The following RASAL2 variants were observed in gnomAD, a reference collection of about 807,000 sequenced individuals.
The protein encoded by RASAL2 is RAS protein activator like 2.
A neutral mutation model predicts 128.9 loss-of-function variants in RASAL2; 58 were observed. The ratio of observed to expected loss-of-function variants is 0.45; its 90% confidence interval spans 0.36 to 0.56. The LOEUF is 0.56. Ranked by LOEUF, RASAL2 falls within the 20% of genes least tolerant of loss-of-function variation. The pLI is 0.00. For synonymous variants in RASAL2, 561 were observed against 580.8 expected (o/e 0.97, Z 0.49); for missense variants, 1,360 against 1,601.6 (o/e 0.85, Z 2.57).
chr1:178,384,594 G>A (rs1311587737), intron 3 of RASAL2, among the ~76,000 whole-genome samples: 2 of 151,484 alleles, frequency 1.3e-5, no homozygotes, highest in East Asian at 3.9e-4. Flanking sequence ...TTTGAACATG[G>A]GAGGTATAGG....
intron 7 of RASAL2, 39 bp from the exon 8 acceptor site, chr1:178,442,632 TGCAA>T (rs1572082288): frequency 6.6e-7 from 1 of 1,515,826 alleles, no homozygotes; most frequent in Admixed American, 2.2e-5. Flanking sequence ...TTTTTTTTTC[TGCAA>T]TGTCAGCTCT....
intron 3 of RASAL2, among the ~76,000 whole-genome samples, chr1:178,335,527 T>C (rs1669542184): frequency 6.6e-6 from 1 of 152,138 alleles, no homozygotes; most frequent in South Asian, 2.1e-4. Flanking sequence ...CCTTACTCAA[T>C]CTATTCCCTT....
At chr1:178,116,570 T>C (rs1189928803) in intron 1 of RASAL2, among the ~76,000 whole-genome samples, 1 of 152,182 alleles carries the variant, frequency 6.6e-6, no homozygotes, top group Non-Finnish European at 1.5e-5. Flanking sequence ...CAGTTAAATA[T>C]GAATCTTTGC....
chr1:178,182,020 G>A (rs918796084), intron 1 of RASAL2, among the ~76,000 whole-genome samples: 1 of 152,102 alleles, frequency 6.6e-6, no homozygotes, highest in Admixed American at 6.5e-5. Flanking sequence ...GCACACTTAA[G>A]GAATGATGTG....
intron 1 of RASAL2, among the ~76,000 whole-genome samples, chr1:178,204,316 T>C (rs1662970516): frequency 6.6e-6 from 1 of 152,160 alleles, no homozygotes; most frequent in Non-Finnish European, 1.5e-5. Flanking sequence ...AGGAGATGCA[T>C]ATGGGTTCAG....
chr1:178,378,155 A>G (rs943129741), intron 3 of RASAL2, among the ~76,000 whole-genome samples: 4 of 151,908 alleles, frequency 2.6e-5, no homozygotes, highest in South Asian at 2.1e-4. Context: ...TTTTAATGCT[A>G]TGAATGAGAG....
intron 1 of RASAL2, among the ~76,000 whole-genome samples, chr1:178,236,580 G>T (rs1664251254): frequency 6.6e-6 from 1 of 151,988 alleles, no homozygotes; most frequent in Admixed American, 6.6e-5. Flanking sequence ...TGTTTTCCAA[G>T]GAAGTCTTAA....
At chr1:178,301,538 T>G (rs1251316888) in intron 3 of RASAL2, among the ~76,000 whole-genome samples, 1 of 152,040 alleles carries the variant, frequency 6.6e-6, no homozygotes, top group African/African-American at 2.4e-5. Context: ...GTTCAAGCAA[T>G]TCTCCTGCCT....
chr1:178,255,730 GA>G (rs1665314712), intron 1 of RASAL2, among the ~76,000 whole-genome samples: 1 of 151,930 alleles, frequency 6.6e-6, no homozygotes, highest in African/African-American at 2.4e-5. Context: ...AAATGTATTA[GA>G]AAATATTCAC....
At chr1:178,342,398 T>C (rs1338584809) in intron 3 of RASAL2, among the ~76,000 whole-genome samples, 1 of 152,192 alleles carries the variant, frequency 6.6e-6, no homozygotes, top group Non-Finnish European at 1.5e-5. Context: ...ATATTTTCTC[T>C]ATACTACATC....
At chr1:178,095,151 G>A (rs1319749365) in intron 1 of RASAL2, among the ~76,000 whole-genome samples, 2 of 152,190 alleles carry the variant, frequency 1.3e-5, no homozygotes, top group African/African-American at 4.8e-5. Context: ...TATTTGGTGG[G>A]AGCAAGACTA....
chr1:178,310,297 C>G (rs1175628458), intron 3 of RASAL2, among the ~76,000 whole-genome samples: 1 of 152,082 alleles, frequency 6.6e-6, no homozygotes, highest in Non-Finnish European at 1.5e-5. Flanking sequence ...GTTTTCAAAG[C>G]AAATATTATA....
At chr1:178,464,225 A>C in intron 14 of RASAL2, 53 bp from the exon 15 acceptor site, 1 of 1,526,040 alleles carries the variant, frequency 6.6e-7, no homozygotes, top group Non-Finnish European at 8.8e-7. Context: ...TTTGTGAAAC[A>C]TAGCACACGG....
Position 178,105,277 on chromosome 1 carries a change from CTA to C in RASAL2, c.202+10585_202+10586del, listed in dbSNP as rs200523973. On this transcript the variant is annotated intron_variant, in intron 1 of 17. Transcript: ENST00000367649. ...AATAATGGCAGGAATAGGAATAAGA[CTA>C]TGGAAAAAATCATATTTTATATAGA... Among the ~76,000 whole-genome samples, 594 of 152,192 alleles carry C rather than the reference CTA, an allele frequency of 3.9e-3. 11 individuals carry two copies. Among genetic ancestry groups the C allele is most frequent in the Admixed American group, 0.032 (485 of 15,284 alleles).
At chr1:178,390,421 C>A (rs1353991436) in intron 4 of RASAL2, among the ~76,000 whole-genome samples, 1 of 152,110 alleles carries the variant, frequency 6.6e-6, no homozygotes, top group Non-Finnish European at 1.5e-5. Flanking sequence ...ACTCTGTCAT[C>A]CAGGCTGGAG....
At chr1:178,171,314 C>T (rs992704133) in intron 1 of RASAL2, among the ~76,000 whole-genome samples, 12 of 151,860 alleles carry the variant, frequency 7.9e-5, no homozygotes, top group Non-Finnish European at 1.2e-4. Context: ...ACCAGTAGTT[C>T]AGGCAATTTA....
At chr1:178,325,142 T>A (rs569899622) in intron 3 of RASAL2, among the ~76,000 whole-genome samples, 4 of 152,308 alleles carry the variant, frequency 2.6e-5, no homozygotes, top group South Asian at 2.1e-4. Flanking sequence ...TTTCATTTTT[T>A]AAAAAAATTC....
intron 1 of RASAL2, among the ~76,000 whole-genome samples, chr1:178,225,762 T>TAC (rs1294170644): frequency 6.7e-6 from 1 of 149,646 alleles, no homozygotes; most frequent in East Asian, 1.9e-4. Context: ...ATACTGTACA[T>TAC]ACATATATAT....
At chr1:178,381,550 A>G (rs2102564190) in intron 3 of RASAL2, among the ~76,000 whole-genome samples, 1 of 152,204 alleles carries the variant, frequency 6.6e-6, no homozygotes, top group East Asian at 1.9e-4. Flanking sequence ...TTGGTAAATG[A>G]TTAAATTTTC....
Sources: allele counts gnomAD v4.1 joint callset (sites outside exome capture counted in the v4.1 genomes callset), GRCh38; gene constraint gnomAD v4.1.1; transcripts MANE v1.5; gene names NCBI Gene and HGNC (gene_info 2026-07-23, HGNC 2026-07-21).